ITIH2: variants seen among roughly 807,000 people sequenced by gnomAD.
The protein encoded by ITIH2 is inter-alpha-trypsin inhibitor heavy chain 2.
A neutral mutation model predicts 104.4 loss-of-function variants in ITIH2; 103 were observed. The ratio of observed to expected loss-of-function variants is 0.99; its 90% confidence interval spans 0.84 to 1.16. ITIH2 has a LOEUF of 1.16. ITIH2 is among the 50% of genes most tolerant of loss of function. ITIH2 has a pLI of 0.00. For missense variants in ITIH2, 1,108 were observed against 1,162.4 expected, an observed-to-expected ratio of 0.95 and a Z score of 0.68; for synonymous variants, 436 against 435.4, an observed-to-expected ratio of 1.00 and a Z score of -0.02.
At chr10:7,725,877 A>G (rs184353174) in intron 9 of ITIH2, among the ~76,000 whole-genome samples, 333 of 152,302 alleles carry the variant, frequency 2.2e-3, no homozygotes, top group Non-Finnish European at 3.7e-3. Context: ...GAGCATTCCA[A>G]TATTGGGAAT....
chr10:7,731,673 C>A, intron 12 of ITIH2, 138 bp from the exon 13 acceptor site: 1 of 528,824 alleles, frequency 1.9e-6, no homozygotes, highest in Non-Finnish European at 3.1e-6. Context: ...TGCAGTGAGA[C>A]GAGATCCCAC....
chr10:7,745,080 A>T (rs1835164131), intron 19 of ITIH2, 117 bp downstream of exon 19: 1 of 869,828 alleles, frequency 1.1e-6, no homozygotes, highest in Admixed American at 2.2e-5. Context: ...AGCACAGAGG[A>T]CTAACATAGC....
chr10:7,725,433 G>A (rs369921624), intron 9 of ITIH2, among the ~76,000 whole-genome samples: 1 of 152,218 alleles, frequency 6.6e-6, no homozygotes. Context: ...TGGGAGATGA[G>A]ATCTGAGAAG....
intron 9 of ITIH2, among the ~76,000 whole-genome samples, chr10:7,726,648 G>T (rs1436255802): frequency 6.6e-6 from 1 of 152,150 alleles, no homozygotes; most frequent in East Asian, 1.9e-4. Context: ...CTTGAGAAAT[G>T]TATTTTATTT....
chr10:7,713,472 A>T, intron 5 of ITIH2, 187 bp downstream of exon 5: 1 of 569,418 alleles, frequency 1.8e-6, no homozygotes. Flanking sequence ...TCTTCAACCA[A>T]TGGGTTTTGG....
rs779563303 is a variant in ITIH2, at chr10:7,705,155, A to G, written c.132A>G (p.Gln44=). Residue 44 remains glutamine (Q), a synonymous_variant, in exon 2 of 21, where the codon CAA becomes CAG. Coordinates refer to ENST00000358415, the MANE Select transcript of ITIH2 (RefSeq NM_002216.3). ...DLVELAPGKF[Q]LVAENRRYQR... Reference sequence around the variant, plus strand: ...TGGAACTGGCCCCAGGCAAATTTCAATTGGTGGCAGAGAACCGGAGATATC... The same window carrying G: ...TGGAACTGGCCCCAGGCAAATTTCAGTTGGTGGCAGAGAACCGGAGATATC... 7.4e-6 allele frequency: 12 copies of G among 1,612,976 alleles called. No homozygotes were observed. Among genetic ancestry groups the G allele is most frequent in the South Asian group, 2.2e-5 (2 of 91,032 alleles).
intron 6 of ITIH2, among the ~76,000 whole-genome samples, chr10:7,720,190 G>T (rs1834888553): frequency 6.6e-6 from 1 of 152,078 alleles, no homozygotes; most frequent in Admixed American, 6.5e-5. Context: ...CGGGTACAAG[G>T]TACATTACTT....
chr10:7,742,923 C>G (rs2130965364), intron 16 of ITIH2, among the ~76,000 whole-genome samples: 1 of 152,236 alleles, frequency 6.6e-6, no homozygotes, highest in Middle Eastern at 3.4e-3. Context: ...TAAATATCCA[C>G]TATATTTGTA....
intron 15 of ITIH2, among the ~76,000 whole-genome samples, chr10:7,737,586 C>A (rs1368930853): frequency 7.9e-6 from 1 of 125,998 alleles, no homozygotes; most frequent in African/African-American, 3.2e-5. Flanking sequence ...ATTCTATATT[C>A]TATATTATAT....
At chr10:7,743,718 T>A (rs1835148358) in intron 17 of ITIH2, among the ~76,000 whole-genome samples, 1 of 151,844 alleles carries the variant, frequency 6.6e-6, no homozygotes, top group South Asian at 2.1e-4. Flanking sequence ...GAGGTGGAGG[T>A]TGCAGTGAGC....
At position 7,748,581 on chromosome 10, in the gene ITIH2, G is replaced by A. The variant is rs1367476425; in HGVS notation, c.2694-606G>A. 7.2e-5 allele frequency among the ~76,000 whole-genome samples: 8 copies of A among 110,832 alleles called. No homozygotes were observed. In the South Asian group the frequency reaches 9.1e-4, roughly 13 times the overall value. 72.7% of individuals were successfully genotyped at this position (110,832 alleles called of 152,430 possible). On this transcript the variant is annotated intron_variant, in intron 20 of 20. Coordinates refer to ENST00000358415, the MANE Select transcript of ITIH2 (RefSeq NM_002216.3). ...TTTAGTGACAGAGTCTTGCTCTGTC[G>A]CCCAGGCTGGAGTGCAGTGACGTAT...
At chr10:7,727,877 C>T in intron 11 of ITIH2, 49 bp downstream of exon 11, 2 of 1,606,510 alleles carry the variant, frequency 1.2e-6, no homozygotes, top group South Asian at 1.1e-5. Flanking sequence ...ACTGTTGTTT[C>T]TTGGAATGGT....
chr10:7,726,479 A>G (rs1447556328), intron 9 of ITIH2, among the ~76,000 whole-genome samples: 1 of 152,136 alleles, frequency 6.6e-6, no homozygotes, highest in Admixed American at 6.5e-5. Flanking sequence ...TTGGGATTTT[A>G]TGGTAGTGGG....
intron 20 of ITIH2, among the ~76,000 whole-genome samples, chr10:7,747,012 G>A (rs892586305): frequency 5.3e-5 from 8 of 152,172 alleles, no homozygotes; most frequent in Non-Finnish European, 8.8e-5. Flanking sequence ...TTGATCAAAG[G>A]AGAGAATCAT....
intron 15 of ITIH2, among the ~76,000 whole-genome samples, chr10:7,737,504 G>T (rs1835067957): frequency 3.1e-5 from 4 of 127,604 alleles, no homozygotes; most frequent in East Asian, 2.3e-4. Context: ...TATATATTTT[G>T]TATTCTATAT....
chr10:7,720,747 A>T (rs188271578), intron 6 of ITIH2, 109 bp from the exon 7 acceptor site: 1 of 660,960 alleles, frequency 1.5e-6, no homozygotes, highest in Non-Finnish European at 2.7e-6. Context: ...GTGCCCGGGA[A>T]ACCTGCGGAG....
chr10:7,745,016 C>A, intron 19 of ITIH2, 53 bp downstream of exon 19: 1 of 1,517,240 alleles, frequency 6.6e-7, no homozygotes, highest in Non-Finnish European at 9.1e-7. Flanking sequence ...AATTCTTTAG[C>A]AGCTTTGGTT....
chr10:7,749,094 C>G (rs1404808251), intron 20 of ITIH2, 93 bp from the exon 21 acceptor site: 11 of 1,307,756 alleles, frequency 8.4e-6, no homozygotes, highest in Non-Finnish European at 4.3e-6. Context: ...GATGTGGTGA[C>G]AGAAGGAACA....
Position 7,744,975 on chromosome 10 carries a change from A to G in ITIH2, c.2581+12A>G. ...CCACGGACTAATAGGTAAAGTGTCT[A>G]TTGACCATCTGACAAGGGTGGGGCC... On this transcript the variant is annotated intron_variant, in intron 19 of 20. Coordinates refer to ENST00000358415, the MANE Select transcript of ITIH2 (RefSeq NM_002216.3). 1 of 1,611,516 alleles carries G rather than the reference A, an allele frequency of 6.2e-7. No homozygotes were observed. The highest frequency in any genetic ancestry group is 8.5e-7 in the Non-Finnish European group (1 of 1,178,038).
Sources: gnomAD v4.1 joint callset for allele counts (sites outside exome capture counted in the v4.1 genomes callset) on GRCh38, gnomAD v4.1.1 for gene constraint, MANE v1.5 for transcripts, NCBI Gene and HGNC (gene_info 2026-07-23, HGNC 2026-07-21) for gene names.